TAFA2: variants seen among roughly 807,000 people sequenced by gnomAD.
TAFA2 encodes TAFA chemokine like family member 2, also known as chemokine-like protein TAFA-2.
Under a neutral mutation model 18.8 loss-of-function variants are expected in TAFA2, and 7 were observed. That is an observed-to-expected ratio of 0.37 (90% confidence interval 0.21 to 0.70). The LOEUF (loss-of-function observed/expected upper bound fraction) is 0.70, where lower values mean the gene tolerates loss of function less well. TAFA2 is among the 30% of genes least tolerant of loss of function. The pLI is 0.53. For missense variants in TAFA2, 122 were observed against 158.1 expected (o/e 0.77, Z 1.23); for synonymous variants, 60 against 54.2 (o/e 1.11, Z -0.47).
chr12:62,110,612 C>CTTTTT (rs68008958), intron 1 of TAFA2, among the ~76,000 whole-genome samples: 1,243 of 104,560 alleles, frequency 0.012, 24 homozygotes, highest in East Asian at 0.027. Flanking sequence ...TGGTCCTGGG[C>CTTTTT]TTTTTTTTTT....
intron 1 of TAFA2, among the ~76,000 whole-genome samples, chr12:61,930,604 C>A (rs543254713): frequency 6.6e-6 from 1 of 152,354 alleles, no homozygotes; most frequent in South Asian, 2.1e-4. Flanking sequence ...ACCCTAATCA[C>A]TCTAATCATC....
intron 1 of TAFA2, among the ~76,000 whole-genome samples, chr12:62,076,966 T>C (rs377298478): frequency 2.4e-4 from 36 of 152,320 alleles, no homozygotes; most frequent in African/African-American, 8.2e-4. Flanking sequence ...AAATGAAGCC[T>C]CGATGAGTTT....
chr12:61,886,203 A>C (rs1277610192), intron 1 of TAFA2, among the ~76,000 whole-genome samples: 2 of 152,150 alleles, frequency 1.3e-5, no homozygotes, highest in Non-Finnish European at 2.9e-5. Context: ...ATTCAGAATA[A>C]AAAATTTAAG....
At chr12:62,026,663 G>A (rs1322073146) in intron 1 of TAFA2, among the ~76,000 whole-genome samples, 1 of 152,040 alleles carries the variant, frequency 6.6e-6, no homozygotes, top group Admixed American at 6.6e-5. Flanking sequence ...TTTTGAATTT[G>A]CTGAATAATG....
chr12:62,237,354 G>GT (rs2136987681), intron 1 of TAFA2, among the ~76,000 whole-genome samples: 1 of 152,268 alleles, frequency 6.6e-6, no homozygotes, highest in African/African-American at 2.4e-5. Context: ...TTTAACAAAC[G>GT]TATTTCTCTG....
chr12:62,130,511 G>A (rs958117709), intron 1 of TAFA2, among the ~76,000 whole-genome samples: 1 of 151,840 alleles, frequency 6.6e-6, no homozygotes, highest in Non-Finnish European at 1.5e-5. Flanking sequence ...CGCTCCCCAG[G>A]GTGTATGGGG....
intron 4 of TAFA2, among the ~76,000 whole-genome samples, chr12:61,718,703 G>A (rs1869765770): frequency 6.6e-6 from 1 of 152,050 alleles, no homozygotes; most frequent in East Asian, 1.9e-4. Context: ...TCAATTCAAA[G>A]GTACTTTACC....
At chr12:61,827,673 A>G (rs369483428) in intron 2 of TAFA2, among the ~76,000 whole-genome samples, 1 of 152,072 alleles carries the variant, frequency 6.6e-6, no homozygotes, top group Non-Finnish European at 1.5e-5. Context: ...CTCTTCGTGA[A>G]GAGTCACAAT....
At chr12:61,929,099 T>C (rs1877436392) in intron 1 of TAFA2, among the ~76,000 whole-genome samples, 1 of 151,528 alleles carries the variant, frequency 6.6e-6, no homozygotes, top group East Asian at 1.9e-4. Flanking sequence ...ACAGCACATG[T>C]ATACCTATGT....
intron 1 of TAFA2, among the ~76,000 whole-genome samples, chr12:62,033,284 G>A (rs543248850): frequency 6.6e-6 from 1 of 152,174 alleles, no homozygotes; most frequent in South Asian, 2.1e-4. Context: ...ATATTCCTGA[G>A]GGTCAAATGT....
intron 1 of TAFA2, among the ~76,000 whole-genome samples, chr12:62,239,279 G>A (rs576090997): frequency 1.3e-5 from 2 of 152,260 alleles, no homozygotes; most frequent in East Asian, 3.9e-4. Flanking sequence ...CACCTCTTAA[G>A]TGCTGTTCAT....
chr12:61,956,093 AT>A (rs968322062), intron 1 of TAFA2, among the ~76,000 whole-genome samples: 4 of 152,086 alleles, frequency 2.6e-5, no homozygotes, highest in Admixed American at 6.6e-5. Flanking sequence ...TACTAGCTAG[AT>A]TTTTTTCAAA....
intron 1 of TAFA2, among the ~76,000 whole-genome samples, chr12:61,962,485 T>G (rs1443625873): frequency 6.6e-6 from 1 of 152,014 alleles, no homozygotes; most frequent in African/African-American, 2.4e-5. Context: ...GCTTTTGTCA[T>G]TAATACCTGC....
intron 1 of TAFA2, among the ~76,000 whole-genome samples, chr12:62,181,993 C>CCA (rs1043208677): frequency 1.4e-4 from 21 of 148,630 alleles, no homozygotes; most frequent in Admixed American, 1.3e-4. Flanking sequence ...AAGTCCATCC[C>CCA]CCCCCCGCTA....
intron 1 of TAFA2, among the ~76,000 whole-genome samples, chr12:61,868,293 G>C (rs941165181): frequency 6.6e-6 from 1 of 152,126 alleles, no homozygotes; most frequent in Non-Finnish European, 1.5e-5. Context: ...TAATGACAGA[G>C]TAAAAATACA....
intron 1 of TAFA2, among the ~76,000 whole-genome samples, chr12:61,898,327 G>A (rs1875944743): frequency 2.0e-5 from 3 of 152,206 alleles, no homozygotes; most frequent in South Asian, 4.1e-4. Context: ...GCTCCACTAG[G>A]CAGTGCTCCA....
intron 1 of TAFA2, among the ~76,000 whole-genome samples, chr12:62,107,195 C>T (rs1331218334): frequency 1.3e-5 from 2 of 151,858 alleles, no homozygotes; most frequent in African/African-American, 4.8e-5. Flanking sequence ...CTCCACCCAC[C>T]CGCCCCCCAA....
chr12:61,933,228 T>A (rs1229931930), intron 1 of TAFA2, among the ~76,000 whole-genome samples: 2 of 152,196 alleles, frequency 1.3e-5, no homozygotes, highest in Admixed American at 1.3e-4. Context: ...GAATTTGCCA[T>A]CAATCAGACT....
chr12:62,153,842 T>A (rs559776880), intron 1 of TAFA2, among the ~76,000 whole-genome samples: 1 of 152,282 alleles, frequency 6.6e-6, no homozygotes, highest in Non-Finnish European at 1.5e-5. Context: ...TACACCTATA[T>A]ATTTAGAGAT....
Sources: gnomAD v4.1 joint callset for allele counts (sites outside exome capture counted in the v4.1 genomes callset) on GRCh38, gnomAD v4.1.1 for gene constraint, MANE v1.5 for transcripts, NCBI Gene and HGNC (gene_info 2026-07-23, HGNC 2026-07-21) for gene names.